SDK1: variants seen among roughly 807,000 people sequenced by gnomAD.
SDK1 encodes sidekick cell adhesion molecule 1, also known as protein sidekick-1.
SDK1 carries 157 observed loss-of-function variants against 245.5 expected under a neutral mutation model. The observed-to-expected ratio is 0.64, with a 90% CI of 0.56 to 0.73. The LOEUF is 0.73. SDK1 is among the 30% of genes least tolerant of loss of function. The pLI is 0.00. For missense variants in SDK1, 3,583 were observed against 3,002.3 expected (o/e 1.19, Z -4.52); for synonymous variants, 1,647 against 1,278.5 (o/e 1.29, Z -6.15).
At chr7:3,904,035 C>T (rs915250338) in intron 5 of SDK1, among the ~76,000 whole-genome samples, 1 of 152,110 alleles carries the variant, frequency 6.6e-6, no homozygotes, top group Admixed American at 6.5e-5. Flanking sequence ...TTGAACTTCC[C>T]AGCCATCAGA....
intron 1 of SDK1, among the ~76,000 whole-genome samples, chr7:3,424,550 T>A (rs980261891): frequency 5.3e-5 from 8 of 152,188 alleles, no homozygotes; most frequent in African/African-American, 1.9e-4. Context: ...TGCATCAGTT[T>A]GTTTTCTGCT....
intron 1 of SDK1, among the ~76,000 whole-genome samples, chr7:3,402,004 G>C (rs1196353544): frequency 3.3e-5 from 5 of 152,108 alleles, no homozygotes; most frequent in African/African-American, 4.8e-5. Context: ...TATGTACCTT[G>C]AGCTAGCTAT....
chr7:3,351,727 A>G (rs1055515583), intron 1 of SDK1, among the ~76,000 whole-genome samples: 1 of 152,220 alleles, frequency 6.6e-6, no homozygotes, highest in African/African-American at 2.4e-5. Context: ...GTTCAGATAT[A>G]GGTACATATT....
chr7:3,651,647 A>G (rs956393), intron 4 of SDK1, among the ~76,000 whole-genome samples: 35,111 of 152,172 alleles, frequency 0.23, 4,759 homozygotes, highest in Non-Finnish European at 0.31. Context: ...GTTTCCTAAG[A>G]TGATGACTCT....
chr7:3,365,240 A>G (rs1384694516), intron 1 of SDK1, among the ~76,000 whole-genome samples: 2 of 152,194 alleles, frequency 1.3e-5, no homozygotes, highest in African/African-American at 2.4e-5. Flanking sequence ...GGTAGTGGAC[A>G]TGTGTCTCAA....
chr7:3,403,869 A>ATAAT (rs1554266408), intron 1 of SDK1, among the ~76,000 whole-genome samples: 12 of 88,872 alleles, frequency 1.4e-4, no homozygotes, highest in Non-Finnish European at 2.5e-4. Context: ...ATATATATAT[A>ATAAT]ATATATATAT....
At chr7:4,167,573 G>A (rs1471311198) in intron 32 of SDK1, among the ~76,000 whole-genome samples, 1 of 152,364 alleles carries the variant, frequency 6.6e-6, no homozygotes, top group Non-Finnish European at 1.5e-5. Flanking sequence ...AAGCCAGGGT[G>A]CAGTGACACA....
chr7:4,186,592 G>A (rs1188489014), intron 35 of SDK1, among the ~76,000 whole-genome samples: 1 of 152,140 alleles, frequency 6.6e-6, no homozygotes, highest in Non-Finnish European at 1.5e-5. Flanking sequence ...GTCACTCGGC[G>A]GTCCTGGGGG....
chr7:3,838,076 A>G (rs1780066190), intron 5 of SDK1, among the ~76,000 whole-genome samples: 1 of 151,928 alleles, frequency 6.6e-6, no homozygotes, highest in African/African-American at 2.4e-5. Flanking sequence ...GCTGGGAGAC[A>G]CTCCCTTAGC....
At chr7:3,410,735 C>A (rs557207366) in intron 1 of SDK1, among the ~76,000 whole-genome samples, 1 of 152,048 alleles carries the variant, frequency 6.6e-6, no homozygotes, top group East Asian at 1.9e-4. Context: ...TACAGGCACA[C>A]ACTACCATGC....
At chr7:3,331,599 A>C (rs953264754) in intron 1 of SDK1, among the ~76,000 whole-genome samples, 25 of 152,304 alleles carry the variant, frequency 1.6e-4, no homozygotes, top group African/African-American at 5.5e-4. Context: ...CATTCATTGA[A>C]GTGCAAAAGC....
chr7:4,266,015 G>A lies in SDK1; in HGVS notation c.*631G>A. The A allele has an allele frequency of 1.0e-6, 1 of 985,506 alleles. No homozygotes were observed. Among genetic ancestry groups the A allele is most frequent in the Non-Finnish European group, 1.2e-6 (1 of 829,966 alleles). The allele number at this position is 985,506 out of a possible 1,614,324, so 61.0% of individuals were successfully genotyped here. A position where few individuals can be genotyped will look rare whatever the true frequency, so the allele number is the denominator to read the frequency against. On this transcript the variant is annotated 3_prime_UTR_variant, in exon 45 of 45. Transcript: ENST00000404826. ...GGCAGGGATGCTAAGGTGTGGCTCA[G>A]CCGTCACTGTCTGTGTCACTGCAGT...
chr7:3,663,644 G>A (rs139288861), intron 4 of SDK1, among the ~76,000 whole-genome samples: 1 of 152,174 alleles, frequency 6.6e-6, no homozygotes, highest in South Asian at 2.1e-4. Context: ...GACTGTCCCA[G>A]TTTTAGCACT....
intron 1 of SDK1, among the ~76,000 whole-genome samples, chr7:3,454,514 G>C (rs73036762): frequency 0.1 from 15,475 of 151,726 alleles, 999 homozygotes; most frequent in African/African-American, 0.17. Context: ...TACTGCAAGA[G>C]TCCCTTGGGT....
At chr7:3,672,765 A>ATATATATATATATG (rs1448714997) in intron 4 of SDK1, among the ~76,000 whole-genome samples, 8 of 71,082 alleles carry the variant, frequency 1.1e-4, no homozygotes, top group Non-Finnish European at 1.6e-4. Context: ...AATTTTATAT[A>ATATATATATATATG]TATATATATA....
intron 5 of SDK1, among the ~76,000 whole-genome samples, chr7:3,920,758 G>A (rs955330399): frequency 7.4e-6 from 1 of 135,920 alleles, no homozygotes; most frequent in African/African-American, 3.8e-5. Flanking sequence ...ATGCAGAGGG[G>A]GAGCAGTGAG....
At chr7:3,987,681 C>G (rs1396643114) in intron 14 of SDK1, among the ~76,000 whole-genome samples, 1 of 152,202 alleles carries the variant, frequency 6.6e-6, no homozygotes, top group Non-Finnish European at 1.5e-5. Context: ...GCCGCCACTG[C>G]TCATGTCTGT....
At chr7:3,780,639 C>G (rs555433703) in intron 4 of SDK1, among the ~76,000 whole-genome samples, 3 of 152,272 alleles carry the variant, frequency 2.0e-5, no homozygotes, top group Admixed American at 2.0e-4. Context: ...ACATTCACCT[C>G]CTCCCATTTC....
intron 8 of SDK1, among the ~76,000 whole-genome samples, chr7:3,960,958 T>C (rs947631795): frequency 6.6e-6 from 1 of 152,198 alleles, no homozygotes; most frequent in Non-Finnish European, 1.5e-5. Flanking sequence ...TGACATTAAA[T>C]TGCCCCAAAA....
Sources: gnomAD v4.1 joint callset for allele counts (sites outside exome capture counted in the v4.1 genomes callset) on GRCh38, gnomAD v4.1.1 for gene constraint, MANE v1.5 for transcripts, NCBI Gene and HGNC (gene_info 2026-07-23, HGNC 2026-07-21) for gene names.